The following INTS7 variants were observed in gnomAD, a reference collection of about 807,000 sequenced individuals.
INTS7 encodes the protein chromosome 1 open reading frame 73.
In INTS7, 46 loss-of-function variants were observed where a neutral mutation model predicts 109.2. The ratio of observed to expected loss-of-function variants is 0.42; its 90% CI spans 0.33 to 0.54. The LOEUF (loss-of-function observed/expected upper bound fraction) is 0.54. Ranked by LOEUF, INTS7 falls within the 20% of genes least tolerant of loss-of-function variation. INTS7 has a pLI of 0.07. For synonymous variants in INTS7, 412 were observed against 402.9 expected, an observed-to-expected ratio of 1.02 and a Z score of -0.27; for missense variants, 929 against 1,132.4, an observed-to-expected ratio of 0.82 and a Z score of 2.58.
chr1:211,942,047 CTGAAGTAATCATTA>C lies in INTS7; in HGVS notation c.2652_2665del (p.His884GlnfsTer79). On this transcript the variant is annotated frameshift_variant, in exon 20 of 20. Coordinates refer to ENST00000366994, the MANE Select transcript of INTS7 (RefSeq NM_015434.4). LOFTEE classifies it high-confidence loss of function. This position sits in a 1 kb window ranked among gnomAD's most constrained non-coding sequence, Gnocchi z 4.2. ...AGCAAAGTTCAACAGAAATTGAGTA[CTGAAGTAATCATTA>C]TGAGGTTCAACCCTTTGCTCCATCT... is the stretch of plus-strand genomic sequence containing the variant. 1.9e-6 allele frequency: 3 copies of C among 1,614,164 alleles called. No homozygotes were observed. Among genetic ancestry groups the C allele is most frequent in the Non-Finnish European group, 2.5e-6 (3 of 1,180,028 alleles).
chr1:212,014,407 G>A, intron 4 of INTS7, among the ~76,000 whole-genome samples: 1 of 136,462 alleles, frequency 7.3e-6, no homozygotes, highest in Non-Finnish European at 1.5e-5. Flanking sequence ...GGAGGTTGCT[G>A]TGACCCGAGA....
At chr1:211,962,260 T>TAAAAAAAAAAAAAAAAA (rs35134976) in intron 16 of INTS7, among the ~76,000 whole-genome samples, 7 of 79,330 alleles carry the variant, frequency 8.8e-5, no homozygotes, top group Non-Finnish European at 1.2e-4. Context: ...CAACAAAGAT[T>TAAAAAAAAAAAAAAAAA]AAAAAAAAAA....
intron 7 of INTS7, among the ~76,000 whole-genome samples, chr1:212,001,546 GT>G (rs1558047835): frequency 6.6e-6 from 1 of 152,090 alleles, no homozygotes; most frequent in East Asian, 1.9e-4. Context: ...CTAGAGAAGG[GT>G]TGGTCCTGGA....
intron 1 of INTS7, among the ~76,000 whole-genome samples, chr1:212,029,160 T>C (rs1463159584): frequency 1.3e-5 from 2 of 152,178 alleles, no homozygotes; most frequent in Non-Finnish European, 2.9e-5. Context: ...CCAAGTAGCA[T>C]CTATCAGCAG....
chr1:212,010,839 A>C (rs543646550), intron 5 of INTS7, among the ~76,000 whole-genome samples: 1 of 152,096 alleles, frequency 6.6e-6, no homozygotes, highest in East Asian at 1.9e-4. Flanking sequence ...ATTTAAGTAC[A>C]CTCTATGAAG....
intron 1 of INTS7, among the ~76,000 whole-genome samples, chr1:212,021,838 A>AC (rs1221823152): frequency 6.6e-6 from 1 of 152,098 alleles, no homozygotes; most frequent in Non-Finnish European, 1.5e-5. Flanking sequence ...GCAGTGCAAG[A>AC]CCCCATCTCA....
rs1312090100 is a variant in INTS7 at position 211,959,402 on chromosome 1, C to T, written c.2184-6701G>A. Among the ~76,000 whole-genome samples, 1 of 152,198 alleles carries T rather than the reference C, an allele frequency of 6.6e-6. No homozygotes were observed. The highest frequency in any genetic ancestry group is 6.5e-5 in the Admixed American group (1 of 15,284). On this transcript the variant is annotated intron_variant, in intron 16 of 19. Transcript: ENST00000366994. The surrounding 1 kb of genome is among the most constrained non-coding windows in gnomAD (Gnocchi z 4.2). ...AGCCTTGGGTGTCCTGGGGGGCCTG[C>T]ATCATAGCTCCTGTGCTTGTGGACT...
chr1:211,984,958 C>A (rs946418517), intron 8 of INTS7, among the ~76,000 whole-genome samples: 2 of 151,992 alleles, frequency 1.3e-5, no homozygotes, highest in Admixed American at 6.6e-5. Flanking sequence ...CTATTACATC[C>A]TCTACTAAGA....
chr1:211,954,835 C>T (rs1056343961), intron 16 of INTS7, among the ~76,000 whole-genome samples: 6 of 152,182 alleles, frequency 3.9e-5, no homozygotes, highest in East Asian at 1.9e-4. Flanking sequence ...TAGTGTGATG[C>T]CTCCGGCTTT....
intron 16 of INTS7, 121 bp downstream of exon 16, chr1:211,966,309 G>A (rs1663876550): frequency 1.9e-6 from 1 of 534,460 alleles, no homozygotes; most frequent in East Asian, 3.0e-5. Flanking sequence ...AAATGCTGAA[G>A]AATTCTTCCA....
chr1:212,007,901 T>C (rs1273057208), intron 5 of INTS7, among the ~76,000 whole-genome samples: 4 of 152,180 alleles, frequency 2.6e-5, no homozygotes, highest in African/African-American at 9.7e-5. Context: ...GGTTTCGAAG[T>C]CCTCTGAACT....
In INTS7 at chr1:212,011,715, T is replaced by G. The variant is rs550077303; in HGVS notation, c.510-294A>C. On this transcript the variant is annotated intron_variant, in intron 4 of 19. Transcript: ENST00000366994. ...AACAAGCATCTGAAATTATTTTGTG[T>G]TTATATAACAACAGGGCCTGACCTT... The G allele has an allele frequency of 9.6e-5, 28 of 291,504 alleles. No individual in the cohort carries two copies. The East Asian group carries it at 1.7e-3, about 18-fold the overall frequency. 18.1% of individuals were successfully genotyped at this position (291,504 alleles called of 1,614,324 possible).
rs898765372 is a variant in INTS7, at chr1:211,959,175, T to A, written c.2184-6474A>T. On this transcript the variant is annotated intron_variant, in intron 16 of 19. Coordinates refer to ENST00000366994, the MANE Select transcript of INTS7 (RefSeq NM_015434.4). This position sits in a 1 kb window ranked among gnomAD's most constrained non-coding sequence, Gnocchi z 4.2. ...CTAGCCAATGCAGAGCCCAAAGGGT[T>A]TGGTGTGTGAGCATCTGTAGTGGAA... 6.6e-6 allele frequency among the ~76,000 whole-genome samples: 1 copy of A among 152,118 alleles called. No homozygotes were observed. The highest frequency in any genetic ancestry group is 1.5e-5 in the Non-Finnish European group (1 of 68,012).
At chr1:211,956,911 A>C (rs1208248567) in intron 16 of INTS7, among the ~76,000 whole-genome samples, 1 of 152,234 alleles carries the variant, frequency 6.6e-6, no homozygotes, top group East Asian at 1.9e-4. Context: ...TCTGTGTGGA[A>C]ACATGTTTTC....
At chr1:211,969,682 A>G (rs1664082822) in intron 13 of INTS7, among the ~76,000 whole-genome samples, 1 of 150,286 alleles carries the variant, frequency 6.7e-6, no homozygotes, top group Non-Finnish European at 1.5e-5. Flanking sequence ...GAGTTTCCCA[A>G]GTAGCCGGGA....
At chr1:211,961,681 G>A (rs533023094) in intron 16 of INTS7, among the ~76,000 whole-genome samples, 1 of 151,988 alleles carries the variant, frequency 6.6e-6, no homozygotes, top group South Asian at 2.1e-4. Flanking sequence ...CTCCCACCTC[G>A]GCCTCCCAAA....
rs751297643 is a variant in INTS7 at position 212,016,972 on chromosome 1, A to G, written c.423T>C (p.His141=). 2 of 1,601,522 alleles carry G rather than the reference A, an allele frequency of 1.2e-6. No individual in the cohort carries two copies. The highest frequency in any genetic ancestry group is 1.7e-6 in the Non-Finnish European group (2 of 1,174,282). ...GTGAATCTAAACTCTGACGAATACT[A>G]TGATGAGCATTCTTCCTCTCAGGAA... The part of the protein sequence containing the change: ...SIIPERKNAH[H]SIRQSLDSHD... Residue 141 remains histidine (H), a synonymous_variant, in exon 4 of 20, where the codon CAT becomes CAC. Transcript: ENST00000366994.
chr1:212,019,786 A>T (rs1666612754), intron 3 of INTS7, among the ~76,000 whole-genome samples: 1 of 152,346 alleles, frequency 6.6e-6, no homozygotes, highest in Non-Finnish European at 1.5e-5. Flanking sequence ...ACTGACAGAA[A>T]ACATTAAGTA....
At position 212,035,509 on chromosome 1, in the gene INTS7, C is replaced by T; in HGVS notation, c.-72G>A. The T allele has an allele frequency of 8.8e-7, 1 of 1,142,850 alleles. No homozygotes were observed. The highest frequency in any genetic ancestry group is 1.3e-6 in the Non-Finnish European group (1 of 753,646). 70.8% of individuals were successfully genotyped at this position (1,142,850 alleles called of 1,614,324 possible). ...CTACCCCAGGACCGCCATCTTCCCC[C>T]GCCGCCTTCTTGCTGGTTTTTCTTC... On this transcript the variant is annotated 5_prime_UTR_variant, in exon 1 of 20. Coordinates refer to ENST00000366994, the MANE Select transcript of INTS7 (RefSeq NM_015434.4).
Sources: allele counts gnomAD v4.1 joint callset (sites outside exome capture counted in the v4.1 genomes callset), GRCh38; gene constraint gnomAD v4.1.1; non-coding constraint Gnocchi (gnomAD v3.1); transcripts MANE v1.5; gene names NCBI Gene and HGNC (gene_info 2026-07-23, HGNC 2026-07-21).